Variants in MCTP1 observed in about 807,000 individuals in gnomAD.
The protein encoded by MCTP1 is multiple C2 and transmembrane domain containing 1.
MCTP1 carries 69 observed loss-of-function variants against 120.6 expected under a neutral mutation model. The observed-to-expected ratio is 0.57, with a 90% CI of 0.47 to 0.70. The LOEUF (loss-of-function observed/expected upper bound fraction) is 0.70, where lower values mean the gene tolerates loss of function less well. Ranked by LOEUF, MCTP1 falls within the 30% of genes least tolerant of loss-of-function variation. The pLI, the probability that MCTP1 is intolerant of heterozygous loss-of-function variation, is 0.00. For missense variants in MCTP1, 1,203 were observed against 1,248.8 expected, an observed-to-expected ratio of 0.96 and a Z score of 0.55; for synonymous variants, 529 against 493.1, an observed-to-expected ratio of 1.07 and a Z score of -0.96.
intron 17 of MCTP1, among the ~76,000 whole-genome samples, chr5:94,866,134 AT>A (rs1389782354): frequency 6.6e-6 from 1 of 151,940 alleles, no homozygotes; most frequent in African/African-American, 2.4e-5. Context: ...GCAAACCCTT[AT>A]TTATCTGGCA....
intron 10 of MCTP1, among the ~76,000 whole-genome samples, chr5:94,899,605 C>T (rs902407094): frequency 4.6e-5 from 7 of 152,220 alleles, no homozygotes; most frequent in Non-Finnish European, 8.8e-5. Context: ...CTGCATGAAA[C>T]AATGCAGAAG....
chr5:95,282,921 ATAAT>A (rs1339773033), intron 1 of MCTP1, among the ~76,000 whole-genome samples: 7 of 152,266 alleles, frequency 4.6e-5, no homozygotes, highest in African/African-American at 1.4e-4. Flanking sequence ...TTCATCTAAC[ATAAT>A]TAATCAGAGT....
At chr5:95,171,533 C>G in intron 1 of MCTP1, among the ~76,000 whole-genome samples, 1 of 152,214 alleles carries the variant, frequency 6.6e-6, no homozygotes, top group East Asian at 1.9e-4. Context: ...TTCTCTGTGT[C>G]ACTTTCAGGT....
rs1754052973 is a variant in MCTP1, at chr5:94,704,230, TATTC to T, written c.*3262_*3265del. On this transcript the variant is annotated 3_prime_UTR_variant, in exon 23 of 23. Transcript: ENST00000515393. ...CTCACACTAGAGTGTGAAATCACGC[TATTC>T]ATTTAAAGCCCAAGAATTTAAGCAA... 1 of 151,672 alleles carries T rather than the reference TATTC, an allele frequency of 6.6e-6. No homozygotes were observed. Among genetic ancestry groups the T allele is most frequent in the Non-Finnish European group, 1.5e-5 (1 of 67,740 alleles). The allele number at this position is 151,672 out of a possible 1,614,324, so 9.4% of individuals were successfully genotyped here.
intron 2 of MCTP1, among the ~76,000 whole-genome samples, chr5:94,985,255 T>C (rs1830245913): frequency 6.6e-6 from 1 of 152,200 alleles, no homozygotes; most frequent in Admixed American, 6.5e-5. Context: ...AGTAAGATAA[T>C]TTAATTGTTA....
Position 95,185,020 on chromosome 5 carries a change from C to T in MCTP1, c.720+98836G>A, listed in dbSNP as rs531080173. On this transcript the variant is annotated intron_variant, in intron 1 of 22. Transcript: ENST00000515393. Reference sequence around the variant, plus strand: ...ACTGATTTGAGTAATGATAAAACTCCGGTCTCTTGCACAGCCGGCTCTGCA... The same window carrying T: ...ACTGATTTGAGTAATGATAAAACTCTGGTCTCTTGCACAGCCGGCTCTGCA... 8.3e-4 allele frequency among the ~76,000 whole-genome samples: 126 copies of T among 152,280 alleles called. 2 individuals carry two copies. Among genetic ancestry groups the T allele is most frequent in the Middle Eastern group, 6.8e-3 (2 of 294 alleles).
At chr5:94,799,814 C>T (rs962455099) in intron 17 of MCTP1, among the ~76,000 whole-genome samples, 2 of 152,068 alleles carry the variant, frequency 1.3e-5, no homozygotes, top group South Asian at 2.1e-4. Flanking sequence ...CATTGTAAGA[C>T]AAATGTTAGA....
Position 95,061,408 on chromosome 5 carries a change from G to GTTGTTTTTTT in MCTP1, c.721-43925_721-43924insAAAAAAACAA, listed in dbSNP as rs1749067994. Among the ~76,000 whole-genome samples the GTTGTTTTTTT allele has an allele frequency of 5.7e-4, 19 of 33,486 alleles. 4 individuals are homozygous for GTTGTTTTTTT. Among genetic ancestry groups the GTTGTTTTTTT allele is most frequent in the Non-Finnish European group, 1.0e-3 (16 of 16,076 alleles). The allele number at this position is 33,486 out of a possible 152,430, so 22.0% of individuals were successfully genotyped here. On this transcript the variant is annotated intron_variant, in intron 1 of 22. Transcript: ENST00000515393. ...ATCAATTTTCACAAACCCCTTAAGG[G>GTTGTTTTTTT]TTTTTTTTTTTTTTTTTTTTTTTTT...
rs558014771 is a variant in MCTP1, at chr5:95,083,088, A to T, written c.721-65604T>A. Among the ~76,000 whole-genome samples, 27 of 152,294 alleles carry T rather than the reference A, an allele frequency of 1.8e-4. No homozygotes were observed. In the South Asian group the frequency reaches 5.6e-3, roughly 32 times the overall value. On this transcript the variant is annotated intron_variant, in intron 1 of 22. Coordinates refer to ENST00000515393, the MANE Select transcript of MCTP1 (RefSeq NM_024717.7). ...CCGAGGGCAGGAATTTTCTTTCAGG[A>T]GGCTATTGACATGGTCATCAATACA...
At chr5:95,199,576 TGCTGGGTGTGGTG>T (rs918688876) in intron 1 of MCTP1, among the ~76,000 whole-genome samples, 1 of 152,064 alleles carries the variant, frequency 6.6e-6, no homozygotes, top group Admixed American at 6.6e-5. Context: ...GACAAAAGAT[TGCTGGGTGTGGTG>T]GCTCACATCT....
At chr5:95,194,649 G>A (rs1750183312) in intron 1 of MCTP1, among the ~76,000 whole-genome samples, 1 of 152,152 alleles carries the variant, frequency 6.6e-6, no homozygotes, top group South Asian at 2.1e-4. Flanking sequence ...ATATCATGGG[G>A]ATTACAATGA....
intron 1 of MCTP1, among the ~76,000 whole-genome samples, chr5:95,093,245 G>A (rs867362561): frequency 1.5e-4 from 23 of 152,300 alleles, no homozygotes; most frequent in Middle Eastern, 3.4e-3. Context: ...CAAACACTGA[G>A]AGTGGAACCA....
chr5:94,723,458 C>T (rs1208412562), intron 19 of MCTP1, among the ~76,000 whole-genome samples: 1 of 152,102 alleles, frequency 6.6e-6, no homozygotes, highest in Non-Finnish European at 1.5e-5. Context: ...TACCAGGTGA[C>T]TCAGTGTTAA....
chr5:95,084,382 C>T (rs1056468496), intron 1 of MCTP1, among the ~76,000 whole-genome samples: 1 of 152,010 alleles, frequency 6.6e-6, no homozygotes, highest in African/African-American at 2.4e-5. Flanking sequence ...TCTTTACCAG[C>T]CCCAATTTTT....
chr5:94,938,061 T>G (rs1266097877), intron 5 of MCTP1, among the ~76,000 whole-genome samples: 1 of 152,048 alleles, frequency 6.6e-6, no homozygotes, highest in Non-Finnish European at 1.5e-5. Flanking sequence ...CCTCTGACAG[T>G]TCTAATCCAA....
rs138422984 is a variant in MCTP1, at chr5:94,862,722, C to A, written c.2436+5611G>T. Reference sequence around the variant, plus strand: ...TTTATATGTAATGCACTATGAAAGGCAATGCTTAGGAAAACCTAATTTACA... The same window carrying A: ...TTTATATGTAATGCACTATGAAAGGAAATGCTTAGGAAAACCTAATTTACA... On this transcript the variant is annotated intron_variant, in intron 17 of 22. Transcript: ENST00000515393. Among the ~76,000 whole-genome samples the A allele has an allele frequency of 4.8e-3, 723 of 151,740 alleles. 3 individuals are homozygous for A. Among genetic ancestry groups the A allele is most frequent in the Non-Finnish European group, 7.6e-3 (518 of 67,810 alleles).
At chr5:94,737,091 C>A (rs184028309) in intron 19 of MCTP1, among the ~76,000 whole-genome samples, 2 of 152,140 alleles carry the variant, frequency 1.3e-5, no homozygotes, top group Non-Finnish European at 2.9e-5. Context: ...TGGGCTGAAG[C>A]GAACCTCCTG....
chr5:95,041,952 G>A (rs1361159578), intron 1 of MCTP1, among the ~76,000 whole-genome samples: 1 of 152,136 alleles, frequency 6.6e-6, no homozygotes, highest in African/African-American at 2.4e-5. Flanking sequence ...GTTTCTCAGT[G>A]TGAGTTGAAA....
intron 17 of MCTP1, among the ~76,000 whole-genome samples, chr5:94,820,350 G>A (rs563075518): frequency 2.6e-5 from 4 of 152,306 alleles, no homozygotes; most frequent in Middle Eastern, 3.4e-3. Context: ...AAGTTTTGGC[G>A]AAGGACTCAC....
Sources: gnomAD v4.1 joint callset for allele counts (sites outside exome capture counted in the v4.1 genomes callset) on GRCh38, gnomAD v4.1.1 for gene constraint, MANE v1.5 for transcripts, NCBI Gene and HGNC (gene_info 2026-07-23, HGNC 2026-07-21) for gene names.